The following GTF3C1 variants were observed in gnomAD, a reference collection of about 807,000 sequenced individuals.
GTF3C1 encodes the protein general transcription factor 3C polypeptide 1.
Under a neutral mutation model 226.7 loss-of-function variants are expected in GTF3C1, and 57 were observed. The observed-to-expected ratio is 0.25, with a 90% CI of 0.20 to 0.31. GTF3C1 has a LOEUF of 0.31. Ranked by LOEUF, GTF3C1 falls within the 10% of genes least tolerant of loss-of-function variation. The pLI, the probability that GTF3C1 is intolerant of heterozygous loss-of-function variation, is 1.00. For synonymous variants in GTF3C1, 1,090 were observed against 1,084.8 expected (o/e 1.00, Z -0.09); for missense variants, 2,217 against 2,776.1 (o/e 0.80, Z 4.53).
At chr16:27,522,178 T>C (rs1282173469) in intron 6 of GTF3C1, among the ~76,000 whole-genome samples, 2 of 152,246 alleles carry the variant, frequency 1.3e-5, no homozygotes, top group African/African-American at 2.4e-5. Flanking sequence ...AATGGTTTCT[T>C]ACTACATTCA....
At chr16:27,481,943 A>G (rs1163962036) in intron 26 of GTF3C1, among the ~76,000 whole-genome samples, 2 of 152,178 alleles carry the variant, frequency 1.3e-5, no homozygotes, top group Non-Finnish European at 2.9e-5. Flanking sequence ...CTGATTAGCC[A>G]GTCTCAATTT....
At position 27,506,927 on chromosome 16, in the gene GTF3C1, C is replaced by G. The variant is rs2141403391; in HGVS notation, c.1472G>C (p.Gly491Ala). 1 of 1,613,876 alleles carries G rather than the reference C, an allele frequency of 6.2e-7. No homozygotes were observed. The highest frequency in any genetic ancestry group is 2.2e-5 in the East Asian group (1 of 44,856). ...TCTTGTGTCTTTCTGGGACCCTCTG[C>G]CTCTCCGCTTGCTGCTGCTCCTCTC... ...EEERSSSKRR[G>A]RGSQKDTRAS... The change falls in exon 9 of 37, where the codon GGC becomes GCC. Residue 491 changes from glycine (G) to alanine (A), a missense_variant. Transcript: ENST00000356183.
chr16:27,474,648 T>G (rs2087926465), intron 29 of GTF3C1, among the ~76,000 whole-genome samples: 1 of 152,220 alleles, frequency 6.6e-6, no homozygotes, highest in African/African-American at 2.4e-5. Flanking sequence ...GTGGACTGTT[T>G]ATTTGGAACT....
At chr16:27,529,144 A>AT (rs2088877167) in intron 5 of GTF3C1, among the ~76,000 whole-genome samples, 1 of 152,296 alleles carries the variant, frequency 6.6e-6, no homozygotes, top group East Asian at 1.9e-4. Context: ...GGGAAAAAAT[A>AT]GGTTAAAAAA....
At chr16:27,478,374 C>T in intron 28 of GTF3C1, 95 bp downstream of exon 28, 1 of 864,206 alleles carries the variant, frequency 1.2e-6, no homozygotes, top group South Asian at 1.3e-5. Context: ...AGGTAGTGGG[C>T]TGGATTTGGC....
intron 5 of GTF3C1, among the ~76,000 whole-genome samples, chr16:27,531,498 C>T (rs2088916956): frequency 6.6e-6 from 1 of 152,248 alleles, no homozygotes; most frequent in African/African-American, 2.4e-5. Flanking sequence ...CTACATCCTT[C>T]CAGGTATGTG....
intron 25 of GTF3C1, chr16:27,483,532 C>T: frequency 2.2e-6 from 1 of 457,298 alleles, no homozygotes; most frequent in Admixed American, 2.4e-5. Context: ...GTGTCCACTC[C>T]ACTAACCTTC....
At chr16:27,466,307 A>G (rs1437972100) in intron 32 of GTF3C1, 1 of 152,230 alleles carries the variant, frequency 6.6e-6, no homozygotes, top group Non-Finnish European at 1.5e-5. Flanking sequence ...GAATATTTCA[A>G]CTTTTTCATG....
At chr16:27,503,387 A>C (rs2088437876) in intron 10 of GTF3C1, among the ~76,000 whole-genome samples, 1 of 152,152 alleles carries the variant, frequency 6.6e-6, no homozygotes, top group African/African-American at 2.4e-5. Context: ...TTCTTCAAAA[A>C]CTCTTAACAC....
rs1451787329 is a variant in GTF3C1, at chr16:27,537,934, G to A, written c.609-7C>T. ...CAGCTTCCCAGCATCAACCCTGGAG[G>A]AAAAGAGGAGCCATGTCATTTGCTT... On this transcript the variant is annotated splice_polypyrimidine_tract_variant and splice_region_variant and intron_variant, in intron 3 of 36. Coordinates refer to ENST00000356183, the MANE Select transcript of GTF3C1 (RefSeq NM_001520.4). 6.2e-7 allele frequency: 1 copy of A among 1,612,784 alleles called. No individual in the cohort carries two copies. Among genetic ancestry groups the A allele is most frequent in the East Asian group, 2.2e-5 (1 of 44,878 alleles).
At chr16:27,482,095 T>A (rs147572965) in intron 26 of GTF3C1, among the ~76,000 whole-genome samples, 108 of 152,332 alleles carry the variant, frequency 7.1e-4, no homozygotes, top group African/African-American at 2.5e-3. Context: ...TGGGAAAGGC[T>A]GTCCCCTGAT....
intron 2 of GTF3C1, among the ~76,000 whole-genome samples, chr16:27,541,767 CTG>C (rs2141460363): frequency 6.6e-6 from 1 of 152,272 alleles, no homozygotes; most frequent in African/African-American, 2.4e-5. Context: ...AGTGAAGAAA[CTG>C]AGGTCGGAGC....
In GTF3C1 at chr16:27,506,865, G is replaced by A; in HGVS notation, c.1534C>T (p.His512Tyr). Residue 512 changes from histidine (H) to tyrosine (Y), a missense_variant, in exon 9 of 37, where the codon CAC becomes TAC. By Grantham distance (83) the His-to-Tyr change is moderately conservative. Transcript: ENST00000356183. ...TCCCTACCCTTGGTTGGGGTGGAGTGATGAGGCTGGGTCTTGGGCCGGAGG... is the reference window on the plus strand; with the variant it reads ...TCCCTACCCTTGGTTGGGGTGGAGTAATGAGGCTGGGTCTTGGGCCGGAGG... ...ANLRPKTQPH[H>Y]STPTKGGWKV... 4 of 1,610,346 alleles carry A rather than the reference G, an allele frequency of 2.5e-6. No individual in the cohort carries two copies. The highest frequency in any genetic ancestry group is 3.4e-6 in the Non-Finnish European group (4 of 1,178,522).
chr16:27,513,966 CAGG>C (rs1344006218), intron 6 of GTF3C1, among the ~76,000 whole-genome samples: 1 of 152,170 alleles, frequency 6.6e-6, no homozygotes, highest in Non-Finnish European at 1.5e-5. Flanking sequence ...TCCACTCAAG[CAGG>C]AGGTTCTTTT....
At chr16:27,537,167 T>A (rs1414133626) in intron 4 of GTF3C1, among the ~76,000 whole-genome samples, 3 of 152,226 alleles carry the variant, frequency 2.0e-5, no homozygotes, top group Non-Finnish European at 4.4e-5. Context: ...GAAACTGACA[T>A]AATTCAACTA....
At chr16:27,490,164 T>C (rs556170839) in intron 19 of GTF3C1, among the ~76,000 whole-genome samples, 1 of 152,200 alleles carries the variant, frequency 6.6e-6, no homozygotes, top group Admixed American at 6.5e-5. Context: ...CGGAGGGGCC[T>C]GTACAGACAG....
chr16:27,496,720 A>G (rs2088323129), intron 14 of GTF3C1, among the ~76,000 whole-genome samples: 1 of 152,172 alleles, frequency 6.6e-6, no homozygotes, highest in South Asian at 2.1e-4. Flanking sequence ...GTTCTTTTAA[A>G]GGGGCTTATT....
At chr16:27,474,122 C>T (rs1002813066) in intron 29 of GTF3C1, among the ~76,000 whole-genome samples, 5 of 152,278 alleles carry the variant, frequency 3.3e-5, no homozygotes, top group Admixed American at 2.0e-4. Flanking sequence ...AGGGGAGCCT[C>T]GCGGGGTCCC....
intron 32 of GTF3C1, among the ~76,000 whole-genome samples, chr16:27,467,732 T>C (rs2087805913): frequency 6.6e-6 from 1 of 152,044 alleles, no homozygotes; most frequent in Non-Finnish European, 1.5e-5. Flanking sequence ...TAGCCGGGTG[T>C]GTTGGTGGGC....
Sources: gnomAD v4.1 joint callset for allele counts (sites outside exome capture counted in the v4.1 genomes callset) on GRCh38, gnomAD v4.1.1 for gene constraint, MANE v1.5 for transcripts, NCBI Gene and HGNC (gene_info 2026-07-23, HGNC 2026-07-21) for gene names.